Variants in PTBP2 observed in about 807,000 individuals in gnomAD.
The protein encoded by PTBP2 is polypyrimidine tract binding protein 2, also known as polypyrimidine tract-binding protein 2.
In PTBP2, 13 loss-of-function variants were observed where a neutral mutation model predicts 61.4. The ratio of observed to expected loss-of-function variants is 0.21; its 90% CI spans 0.14 to 0.34. The LOEUF is 0.34. Among genes scored for constraint, PTBP2 ranks in the 10% least tolerant of loss-of-function variants. The pLI is 1.00. For synonymous variants in PTBP2, 215 were observed against 218.5 expected (o/e 0.98, Z 0.14); for missense variants, 405 against 642.6 (o/e 0.63, Z 4.00).
chr1:96,730,496 GT>G (rs1212705320), intron 2 of PTBP2, among the ~76,000 whole-genome samples: 3 of 152,040 alleles, frequency 2.0e-5, no homozygotes, highest in Non-Finnish European at 4.4e-5. Flanking sequence ...AATATTTGGA[GT>G]TTTCCATATA....
chr1:96,749,697 T>G (rs773033170), intron 2 of PTBP2: 25 of 455,344 alleles, frequency 5.5e-5, no homozygotes, highest in Non-Finnish European at 7.5e-5. Context: ...GTAATTCACT[T>G]ACTTAGTCAA....
chr1:96,820,726 C>T (rs1044411090), exon 14 of PTBP2: 2 of 151,538 alleles, frequency 1.3e-5, no homozygotes, highest in African/African-American at 4.9e-5. Context: ...CTATATATTT[C>T]TTAACCATTT....
chr1:96,798,342 GTTGCAGTGAGCTGAGATCATGCCA>G (rs1323977167), intron 8 of PTBP2, among the ~76,000 whole-genome samples: 2 of 151,304 alleles, frequency 1.3e-5, no homozygotes, highest in Non-Finnish European at 2.9e-5. Context: ...GGAGGTGGAG[GTTGCAGTGAGCTGAGATCATGCCA>G]TTGCACTCCA....
At chr1:96,742,520 G>C (rs1425322083) in intron 2 of PTBP2, among the ~76,000 whole-genome samples, 1 of 151,848 alleles carries the variant, frequency 6.6e-6, no homozygotes, top group Admixed American at 6.6e-5. Flanking sequence ...TTATTTTACT[G>C]GTCTTTTCAA....
At chr1:96,789,460 A>G (rs1659556090) in intron 8 of PTBP2, among the ~76,000 whole-genome samples, 1 of 152,032 alleles carries the variant, frequency 6.6e-6, no homozygotes, top group Non-Finnish European at 1.5e-5. Context: ...TTAGGATCTC[A>G]AGATGGTTTT....
chr1:96,780,812 T>C (rs1658570220), intron 7 of PTBP2, among the ~76,000 whole-genome samples: 1 of 152,046 alleles, frequency 6.6e-6, no homozygotes, highest in Admixed American at 6.6e-5. Context: ...CTTCAAACAG[T>C]GTGTTCAATC....
chr1:96,809,787 T>G (rs896723637), intron 11 of PTBP2, among the ~76,000 whole-genome samples: 1 of 152,120 alleles, frequency 6.6e-6, no homozygotes, highest in African/African-American at 2.4e-5. Context: ...TAAAGTACTA[T>G]ATACAAATTA....
intron 3 of PTBP2, among the ~76,000 whole-genome samples, chr1:96,757,195 G>C (rs1365776831): frequency 3.9e-5 from 6 of 152,136 alleles, no homozygotes; most frequent in South Asian, 2.1e-4. Flanking sequence ...TAAAAAGCAA[G>C]GCCTAACTAC....
intron 3 of PTBP2, among the ~76,000 whole-genome samples, chr1:96,758,065 G>GTA (rs577974169): frequency 1.6e-4 from 25 of 152,086 alleles, no homozygotes; most frequent in Admixed American, 9.8e-4. Context: ...GAGTATAATA[G>GTA]TATAACATAA....
At chr1:96,775,769 G>GA (rs965190691) in intron 5 of PTBP2, among the ~76,000 whole-genome samples, 5 of 151,748 alleles carry the variant, frequency 3.3e-5, no homozygotes, top group South Asian at 2.1e-4. Flanking sequence ...TGAATTATAA[G>GA]AAAAAATATA....
At chr1:96,783,931 G>T (rs1432790195) in intron 7 of PTBP2, among the ~76,000 whole-genome samples, 1 of 152,052 alleles carries the variant, frequency 6.6e-6, no homozygotes, top group Non-Finnish European at 1.5e-5. Flanking sequence ...TATTGAAGTG[G>T]ATGAATCTGT....
intron 8 of PTBP2, among the ~76,000 whole-genome samples, chr1:96,795,645 AGTT>A (rs1415814675): frequency 1.3e-5 from 2 of 152,248 alleles, no homozygotes; most frequent in Non-Finnish European, 2.9e-5. Flanking sequence ...TCAGTACAGT[AGTT>A]ACGTACTGTT....
In PTBP2 at chr1:96,802,969, A is replaced by G. The variant is rs980560666; in HGVS notation, c.905-1831A>G. On this transcript the variant is annotated intron_variant, in intron 8 of 13. Coordinates refer to ENST00000674951, the MANE Select transcript of PTBP2 (RefSeq NM_021190.4). ...GGGGAGGTCACTTCTCAAGACTGCA[A>G]GAAAAAAAATTGTTGTGTGTAGGAA... Among the ~76,000 whole-genome samples the G allele has an allele frequency of 7.2e-5, 11 of 152,262 alleles. No individual in the cohort carries two copies. The East Asian group carries it at 2.1e-3, about 29-fold the overall frequency.
At chr1:96,803,645 T>TTC (rs1475871042) in intron 8 of PTBP2, among the ~76,000 whole-genome samples, 1 of 152,124 alleles carries the variant, frequency 6.6e-6, no homozygotes, top group Non-Finnish European at 1.5e-5. Flanking sequence ...TCATAGTAGT[T>TTC]TCTATAAAGT....
intron 2 of PTBP2, 125 bp downstream of exon 2, chr1:96,723,719 T>A (rs1001007230): frequency 1.2e-5 from 10 of 821,096 alleles, no homozygotes; most frequent in Non-Finnish European, 1.9e-6. Flanking sequence ...AATGTTTCCT[T>A]TCATTTGTAA....
In PTBP2 at chr1:96,765,270, G is replaced by A. The variant is rs192704750; in HGVS notation, c.116-4433G>A. Among the ~76,000 whole-genome samples the A allele has an allele frequency of 2.9e-3, 440 of 152,284 alleles. 2 individuals are homozygous for A. The highest frequency in any genetic ancestry group is 0.01 in the African/African-American group (430 of 41,552). ...AAAACTTTTATAAATGTGTGTCTCTGAAAGACTTGGAGAATGAAGATGTAC... is the reference window on the plus strand; with the variant it reads ...AAAACTTTTATAAATGTGTGTCTCTAAAAGACTTGGAGAATGAAGATGTAC... On this transcript the variant is annotated intron_variant, in intron 3 of 13. Transcript: ENST00000674951.
intron 2 of PTBP2, among the ~76,000 whole-genome samples, chr1:96,731,752 A>T (rs964434658): frequency 3.3e-5 from 5 of 152,080 alleles, no homozygotes; most frequent in African/African-American, 1.2e-4. Context: ...GACTATTAAG[A>T]AAGAATATTT....
At chr1:96,792,421 TAGCACTGAA>T (rs1311035046) in intron 8 of PTBP2, among the ~76,000 whole-genome samples, 1 of 152,134 alleles carries the variant, frequency 6.6e-6, no homozygotes, top group African/African-American at 2.4e-5. Flanking sequence ...GGCCGAGCCC[TAGCACTGAA>T]AGCCAGGTAG....
downstream of PTBP2, chr1:96,815,348 T>C (rs749443331): frequency 1.3e-5 from 2 of 152,170 alleles, no homozygotes; most frequent in Non-Finnish European, 2.9e-5. Flanking sequence ...GAACTTGATA[T>C]TACTGGGAAG....
Sources: gnomAD v4.1 joint callset for allele counts (sites outside exome capture counted in the v4.1 genomes callset) on GRCh38, gnomAD v4.1.1 for gene constraint, MANE v1.5 for transcripts, NCBI Gene and HGNC (gene_info 2026-07-23, HGNC 2026-07-21) for gene names.